ZNF687: variants seen among roughly 807,000 people sequenced by gnomAD.
ZNF687 encodes the protein zinc finger protein 687.
ZNF687 carries 13 observed loss-of-function variants against 71.8 expected under a neutral mutation model. The observed-to-expected ratio is 0.18, with a 90% CI of 0.12 to 0.29. The LOEUF is 0.29. ZNF687 is among the 10% of genes least tolerant of loss of function. The pLI is 1.00. For synonymous variants in ZNF687, 673 were observed against 641.6 expected, an observed-to-expected ratio of 1.05 and a Z score of -0.74; for missense variants, 1,412 against 1,625.6, an observed-to-expected ratio of 0.87 and a Z score of 2.26.
chr1:151,282,173 C>A (rs1693737339), upstream of ZNF687: 7 of 1,139,694 alleles, frequency 6.1e-6, no homozygotes, highest in South Asian at 1.8e-5. Flanking sequence ...CAACCCAGTG[C>A]GGGGCTGGAA....
chr1:151,286,288 C>T lies in ZNF687; in HGVS notation c.-4C>T, dbSNP rs371102813. ...TGTTTTCATCAGGTCTGGGATCTGC[C>T]GATATGGGGGATATGAAGACCCCTG... On this transcript the variant is annotated 5_prime_UTR_variant, in exon 2 of 9. Coordinates refer to ENST00000336715, the MANE Select transcript of ZNF687 (RefSeq NM_020832.3). 2.2e-5 allele frequency: 34 copies of T among 1,545,060 alleles called. No homozygotes were observed. The highest frequency in any genetic ancestry group is 1.0e-4 in the Admixed American group (5 of 47,708).
In ZNF687 at chr1:151,287,138, C is replaced by G. The variant is rs780021246; in HGVS notation, c.847C>G (p.Pro283Ala). Residue 283 changes from proline (P) to alanine (A), a missense_variant, in exon 2 of 9, where the codon CCC becomes GCC. Coordinates refer to ENST00000336715, the MANE Select transcript of ZNF687 (RefSeq NM_020832.3). The surrounding 1 kb of genome is among the most constrained non-coding windows in gnomAD (Gnocchi z 5.0). ...LASPKVPVCQPLKEEDDDEGP... is the reference protein window; with the variant it reads ...LASPKVPVCQALKEEDDDEGP... ...CTCCCCCAAAGTGCCCGTCTGTCAG[C>G]CCTTGAAGGAAGAAGATGATGATGA... 1 of 1,614,178 alleles carries G rather than the reference C, an allele frequency of 6.2e-7. No individual in the cohort carries two copies. Among genetic ancestry groups the G allele is most frequent in the Non-Finnish European group, 8.5e-7 (1 of 1,180,026 alleles).
upstream of ZNF687, chr1:151,281,578 G>A (rs1371377216): frequency 4.2e-6 from 2 of 471,070 alleles, no homozygotes; most frequent in Non-Finnish European, 8.8e-6. Context: ...TCCAAATCCC[G>A]TGCCCCGTCC....
chr1:151,287,484 G>A lies in ZNF687; in HGVS notation c.1193G>A (p.Gly398Asp). ...TTGGGTGATGGTACAAGGCTGAAAGGCACTGTGCTGCCTGTGGCCACCATC... is the reference window on the plus strand; with the variant it reads ...TTGGGTGATGGTACAAGGCTGAAAGACACTGTGCTGCCTGTGGCCACCATC... ...VQLGDGTRLK[G>D]TVLPVATIQN... Residue 398 changes from glycine (G) to aspartate (D), a missense_variant, in exon 2 of 9, where the codon GGC (glycine) becomes GAC (aspartate). Physicochemically the swap from Gly to Asp is moderately conservative, Grantham distance 94. This residue lies in a region of ZNF687 where 133 missense variants were observed against 155.1 expected (regional missense o/e 0.86). Transcript: ENST00000336715. The surrounding 1 kb of genome is among the most constrained non-coding windows in gnomAD (Gnocchi z 5.0). 1 of 1,614,152 alleles carries A rather than the reference G, an allele frequency of 6.2e-7. No homozygotes were observed. The highest frequency in any genetic ancestry group is 8.5e-7 in the Non-Finnish European group (1 of 1,180,026).
chr1:151,281,672 A>G (rs1571082455), upstream of ZNF687: 2 of 459,736 alleles, frequency 4.4e-6, no homozygotes, highest in African/African-American at 2.0e-5. Context: ...ATCAGATTAT[A>G]TGGCGATTTA....
chr1:151,283,294 C>G, intron 1 of ZNF687: 1 of 985,384 alleles, frequency 1.0e-6, no homozygotes, highest in Non-Finnish European at 1.2e-6. Flanking sequence ...CTCCTCTGCG[C>G]TGCAGGCCTT....
In ZNF687 at chr1:151,290,701, C is replaced by G. The variant is rs770330114; in HGVS notation, c.3220-14C>G. ...GGGTGGTGGTAAGGCCCAGTTTCTT[C>G]CACTTTTCTTCAGGGGCCAGGTCGG... is the stretch of plus-strand genomic sequence containing the variant. On this transcript the variant is annotated splice_polypyrimidine_tract_variant and intron_variant, in intron 8 of 8. Transcript: ENST00000336715. 6.3e-7 allele frequency: 1 copy of G among 1,589,270 alleles called. No homozygotes were observed. Among genetic ancestry groups the G allele is most frequent in the Non-Finnish European group, 8.6e-7 (1 of 1,166,638 alleles).
Position 151,289,853 on chromosome 1 carries a change from C to G in ZNF687, c.2810C>G (p.Pro937Arg), listed in dbSNP as rs148402804. 2.0e-4 allele frequency: 308 copies of G among 1,568,152 alleles called. No individual in the cohort carries two copies. Among genetic ancestry groups the G allele is most frequent in the African/African-American group, 9.7e-4 (72 of 73,876 alleles). ...GAGGAAGTACCCAGCTCCCCTGAGC[C>G]CCCCCGTCCAGCCAAACGGCCTCGG... ...EEEEVPSSPE[P>R]PRPAKRPRRE... Residue 937 changes from proline to arginine, a missense_variant, in exon 6 of 9, where the codon CCC becomes CGC. Around this residue, in one of 8 missense-constraint regions of ZNF687, gnomAD observed 135 missense variants for 104.1 expected, o/e 1.30. Transcript: ENST00000336715.
At chr1:151,281,810 C>T (rs1162352755), upstream of ZNF687, 5 of 368,424 alleles carry the variant, frequency 1.4e-5, no homozygotes, top group East Asian at 7.5e-5. Flanking sequence ...AGGACCTACA[C>T]TTCTGTGCTC....
chr1:151,281,527 G>A (rs61617160), upstream of ZNF687: 3,791 of 470,982 alleles, frequency 8.0e-3, 111 homozygotes, highest in African/African-American at 0.068. Flanking sequence ...CTTCCGGTCC[G>A]CGAGCCCTTC....
Position 151,290,441 on chromosome 1 carries a change from A to C in ZNF687, c.3087A>C (p.Thr1029=). Residue 1029 remains threonine, a synonymous_variant, in exon 8 of 9, where the codon ACA becomes ACC. Transcript: ENST00000336715. ...IKRVYPCRYC[T]EGKRTFSSRL... ...TCCTCTCCCATTTCAGGTATTGCAC[A>C]GAGGGAAAACGCACCTTCAGCAGCC... 1 of 1,613,940 alleles carries C rather than the reference A, an allele frequency of 6.2e-7. No homozygotes were observed. The highest frequency in any genetic ancestry group is 2.2e-5 in the East Asian group (1 of 44,884).
chr1:151,288,353 A>G lies in ZNF687; in HGVS notation c.2062A>G (p.Met688Val), dbSNP rs1485592224. The G allele has an allele frequency of 1.2e-6, 2 of 1,610,232 alleles. No homozygotes were observed. The highest frequency in any genetic ancestry group is 1.3e-5 in the African/African-American group (1 of 75,048). Residue 688 changes from methionine to valine, a missense_variant, in exon 2 of 9, where the codon ATG becomes GTG. Physicochemically the swap from Met to Val is conservative, Grantham distance 21 (BLOSUM62 1). Transcript: ENST00000336715. The stretch of plus-strand genomic sequence containing the variant: ...GGAACAGTGCCGGGACAAGGCTGGC[A>G]TGGCAGCTCACTTCCAGCAGCTCGG... ...CKEQCRDKAG[M>V]AAHFQQLGPP...
intron 1 of ZNF687, among the ~76,000 whole-genome samples, chr1:151,284,802 C>CTTTTT (rs869269504): frequency 1.2e-3 from 69 of 56,436 alleles, no homozygotes; most frequent in Non-Finnish European, 1.4e-3. Context: ...CTTGTCTTGT[C>CTTTTT]TTTTTTTTTT....
rs767177177 is a variant in ZNF687 at position 151,287,502 on chromosome 1, C to T, written c.1211C>T (p.Ala404Val). 1.2e-6 allele frequency: 2 copies of T among 1,614,130 alleles called. No homozygotes were observed. Among genetic ancestry groups the T allele is most frequent in the Non-Finnish European group, 1.7e-6 (2 of 1,180,024 alleles). The change falls in exon 2 of 9, where the codon GCC becomes GTC. Residue 404 changes from alanine to valine, a missense_variant. Physicochemically the swap from Ala to Val is moderately conservative, Grantham distance 64 (BLOSUM62 0). Coordinates refer to ENST00000336715, the MANE Select transcript of ZNF687 (RefSeq NM_020832.3). The surrounding 1 kb of genome is among the most constrained non-coding windows in gnomAD (Gnocchi z 5.0). ...CTGAAAGGCACTGTGCTGCCTGTGG[C>T]CACCATCCAGAACGCCAGTACTGCC... The part of the protein sequence containing the change: ...TRLKGTVLPV[A>V]TIQNASTAML...
At position 151,289,731 on chromosome 1, in the gene ZNF687, T is replaced by G. The variant is rs1694119396; in HGVS notation, c.2688T>G (p.Gly896=). 3 of 1,559,002 alleles carry G rather than the reference T, an allele frequency of 1.9e-6. No homozygotes were observed. The East Asian group carries it at 7.2e-5, about 38-fold the overall frequency. The stretch of plus-strand genomic sequence containing the variant: ...AGACTGCTGGGAAAGGGGCCGGGGG[T>G]GCCCTGCTGACCCCCAAGACTGAGC... ...LEETAGKGAG[G]ALLTPKTEPE... Residue 896 remains glycine, a synonymous_variant, in exon 6 of 9, where the codon GGT becomes GGG. Coordinates refer to ENST00000336715, the MANE Select transcript of ZNF687 (RefSeq NM_020832.3).
upstream of ZNF687, chr1:151,282,161 G>A (rs1175852231): frequency 1.2e-5 from 14 of 1,167,416 alleles, no homozygotes; most frequent in Admixed American, 4.0e-4. Context: ...AGTATTTAGG[G>A]CCAACCCAGT....
At position 151,287,878 on chromosome 1, in the gene ZNF687, T is replaced by A. The variant is rs1215073919; in HGVS notation, c.1587T>A (p.Pro529=). 3.1e-6 allele frequency: 5 copies of A among 1,613,828 alleles called. No homozygotes were observed. The East Asian group carries it at 8.9e-5, about 29-fold the overall frequency. Residue 529 remains proline, a synonymous_variant, in exon 2 of 9, where the codon CCT becomes CCA. Transcript: ENST00000336715. This position sits in a 1 kb window ranked among gnomAD's most constrained non-coding sequence, Gnocchi z 5.0. Reference sequence around the variant, plus strand: ...CAGCTGAGGCTGGGCTGGCCCTGCCTCCCACCGGCTACCGCTGCCTGGAGT... The same window carrying A: ...CAGCTGAGGCTGGGCTGGCCCTGCCACCCACCGGCTACCGCTGCCTGGAGT... ...SPPAEAGLAL[P]PTGYRCLECG...
At chr1:151,281,948 C>G (rs1379903673), upstream of ZNF687, 3 of 1,134,488 alleles carry the variant, frequency 2.6e-6, no homozygotes, top group Non-Finnish European at 3.4e-6. Flanking sequence ...GGAGACGCAC[C>G]TGGGTGCTCC....
At position 151,286,843 on chromosome 1, in the gene ZNF687, C is replaced by G; in HGVS notation, c.552C>G (p.Pro184=). Residue 184 remains proline, a synonymous_variant, in exon 2 of 9, where the codon CCC becomes CCG. Coordinates refer to ENST00000336715, the MANE Select transcript of ZNF687 (RefSeq NM_020832.3). ...CGCTGCCTCCCTCTGCACCCTCTCC[C>G]ACTCGGGAGGGGGCTCTGACCCCGC... ...SDPLPPSAPS[P]TREGALTPPP... The G allele has an allele frequency of 6.2e-7, 1 of 1,614,060 alleles. No homozygotes were observed. Among genetic ancestry groups the G allele is most frequent in the Non-Finnish European group, 8.5e-7 (1 of 1,179,934 alleles).
Sources: gnomAD v4.1 joint callset for allele counts (sites outside exome capture counted in the v4.1 genomes callset) on GRCh38, gnomAD v4.1.1 for gene constraint, gnomAD v4.1.1 regional missense constraint, Gnocchi (gnomAD v3.1) non-coding constraint, MANE v1.5 for transcripts, NCBI Gene and HGNC (gene_info 2026-07-23, HGNC 2026-07-21) for gene names.